Variants in ZFAND3 observed in about 807,000 individuals in gnomAD.
ZFAND3 encodes the protein AN1-type zinc finger protein 3.
A neutral mutation model predicts 29.6 loss-of-function variants in ZFAND3; 10 were observed. The ratio of observed to expected loss-of-function variants is 0.34; its 90% CI spans 0.21 to 0.57. The LOEUF (loss-of-function observed/expected upper bound fraction) is 0.57. ZFAND3 is among the 20% of genes least tolerant of loss of function. ZFAND3 has a pLI of 0.86. For synonymous variants in ZFAND3, 128 were observed against 112.6 expected (o/e 1.14, Z -0.87); for missense variants, 230 against 304.5 (o/e 0.76, Z 1.82).
In ZFAND3 at chr6:38,061,636, A is replaced by C; in HGVS notation, c.156A>C (p.Thr52=). ...CAGACGATGATTCCGCTCCAAGTAC[A>C]AGTAACAGCCAATCAGATTTGTTTT... ...KQPDDDSAPS[T]SNSQSDLFSE... is the part of the protein sequence containing the mutation. The change falls in exon 3 of 6, where the codon ACA becomes ACC. Residue 52 remains threonine, a synonymous_variant. Coordinates refer to ENST00000287218, the MANE Select transcript of ZFAND3 (RefSeq NM_021943.3). 2 of 1,614,212 alleles carry C rather than the reference A, an allele frequency of 1.2e-6. No homozygotes were observed. The highest frequency in any genetic ancestry group is 1.7e-6 in the Non-Finnish European group (2 of 1,180,018).
chr6:38,007,615 AC>A (rs1763073725), intron 2 of ZFAND3, among the ~76,000 whole-genome samples: 2 of 152,186 alleles, frequency 1.3e-5, no homozygotes, highest in South Asian at 2.1e-4. Flanking sequence ...GTTATAATTA[AC>A]TTGAAGAATA....
chr6:38,000,830 C>T (rs906469943), intron 2 of ZFAND3, among the ~76,000 whole-genome samples: 6 of 152,182 alleles, frequency 3.9e-5, no homozygotes, highest in African/African-American at 1.2e-4. Context: ...CTACTTTTTA[C>T]TCCTAGAGAC....
Position 38,144,182 on chromosome 6 carries a change from A to AT in ZFAND3, c.530-8052dup, listed in dbSNP as rs1581956543. On this transcript the variant is annotated intron_variant, in intron 5 of 5. Transcript: ENST00000287218. ...TGCTAGAAAAATGTGATATATATAT[A>AT]TAATATATATATATATATATATATA... is the stretch of plus-strand genomic sequence containing the variant. Among the ~76,000 whole-genome samples the AT allele has an allele frequency of 1.2e-3, 13 of 11,072 alleles. 1 individual carries two copies. Among genetic ancestry groups the AT allele is most frequent in the East Asian group, 2.2e-3 (3 of 1,338 alleles). The allele number at this position is 11,072 out of a possible 152,430, so 7.3% of individuals were successfully genotyped here. A position where few individuals can be genotyped will look rare whatever the true frequency, so the allele number is the denominator to read the frequency against.
chr6:38,004,367 TC>T (rs1372894325), intron 2 of ZFAND3, among the ~76,000 whole-genome samples: 4 of 152,292 alleles, frequency 2.6e-5, no homozygotes, highest in Middle Eastern at 6.8e-3. Context: ...CCGTCAGTGT[TC>T]CTCCTCTGCA....
intron 2 of ZFAND3, among the ~76,000 whole-genome samples, chr6:38,041,041 G>C (rs1415585806): frequency 6.6e-6 from 1 of 152,180 alleles, no homozygotes; most frequent in Non-Finnish European, 1.5e-5. Flanking sequence ...GTGTGTGACA[G>C]TCCCTTAGCC....
At chr6:37,870,304 A>C (rs1336486075) in intron 1 of ZFAND3, among the ~76,000 whole-genome samples, 3 of 149,576 alleles carry the variant, frequency 2.0e-5, no homozygotes, top group Non-Finnish European at 3.0e-5. Context: ...AAAAAAAAAA[A>C]AAAAAAAAAA....
intron 2 of ZFAND3, among the ~76,000 whole-genome samples, chr6:38,022,639 C>T (rs1253009247): frequency 6.6e-6 from 1 of 152,234 alleles, no homozygotes; most frequent in Admixed American, 6.5e-5. Flanking sequence ...TTTAATGTGA[C>T]TTGCTTAGGT....
chr6:38,061,511 A>ATTT (rs1189531092), intron 2 of ZFAND3, 82 bp from the exon 3 acceptor site: 28 of 1,531,006 alleles, frequency 1.8e-5, no homozygotes, highest in Non-Finnish European at 2.2e-5. Flanking sequence ...GTTGCATTTA[A>ATTT]TTTTTGTACC....
At chr6:37,951,814 G>C (rs187042701) in intron 2 of ZFAND3, among the ~76,000 whole-genome samples, 1 of 152,218 alleles carries the variant, frequency 6.6e-6, no homozygotes, top group East Asian at 1.9e-4. Context: ...TGTTTAGTAT[G>C]ATGTTTGCTG....
At chr6:38,001,868 A>C (rs1762954127) in intron 2 of ZFAND3, among the ~76,000 whole-genome samples, 1 of 152,166 alleles carries the variant, frequency 6.6e-6, no homozygotes, top group Non-Finnish European at 1.5e-5. Flanking sequence ...AAGAGAATTG[A>C]GTTATGGCTG....
intron 2 of ZFAND3, among the ~76,000 whole-genome samples, chr6:38,014,233 TAAA>T (rs992648836): frequency 6.6e-6 from 1 of 152,236 alleles, no homozygotes; most frequent in Non-Finnish European, 1.5e-5. Flanking sequence ...AAAGTTTTGT[TAAA>T]AAGAGAGAGA....
intron 2 of ZFAND3, among the ~76,000 whole-genome samples, chr6:38,059,986 G>C (rs2127462950): frequency 6.6e-6 from 1 of 152,306 alleles, no homozygotes; most frequent in South Asian, 2.1e-4. Flanking sequence ...TAGGAAATTT[G>C]TCAGTTTCTC....
Position 38,141,643 on chromosome 6 carries a change from CA to C in ZFAND3, c.530-10591del, listed in dbSNP as rs374262248. On this transcript the variant is annotated intron_variant, in intron 5 of 5. Coordinates refer to ENST00000287218, the MANE Select transcript of ZFAND3 (RefSeq NM_021943.3). Reference sequence around the variant, plus strand: ...AGAGGAAACTTGTACATCATATGTTCAGAGGAAGATTTCCACATTCGTTCTC... The same window carrying C: ...AGAGGAAACTTGTACATCATATGTTCGAGGAAGATTTCCACATTCGTTCTC... Among the ~76,000 whole-genome samples, 160 of 152,296 alleles carry C rather than the reference CA, an allele frequency of 1.1e-3. 6 individuals are homozygous for C. The South Asian group carries it at 0.032, about 31-fold the overall frequency.
intron 2 of ZFAND3, among the ~76,000 whole-genome samples, chr6:37,972,171 C>A (rs545081449): frequency 5.3e-5 from 8 of 151,998 alleles, no homozygotes; most frequent in Non-Finnish European, 1.0e-4. Context: ...TTGGTAGGAC[C>A]CAGCTGTTAT....
rs902841454 is a variant in ZFAND3, at chr6:38,152,978, G to A, written c.*589G>A. The A allele has an allele frequency of 4.6e-5, 45 of 985,688 alleles. No homozygotes were observed. In the African/African-American group the frequency reaches 5.9e-4, roughly 13 times the overall value. 61.1% of individuals were successfully genotyped at this position (985,688 alleles called of 1,614,324 possible). ...TGGGGGGTGGGGGACAGATTCTTAC[G>A]GAAATTTTTTTACCTGACTTGCTAT... On this transcript the variant is annotated 3_prime_UTR_variant, in exon 6 of 6. Coordinates refer to ENST00000287218, the MANE Select transcript of ZFAND3 (RefSeq NM_021943.3).
chr6:37,918,022 A>G (rs919927744), intron 1 of ZFAND3, among the ~76,000 whole-genome samples: 2 of 152,124 alleles, frequency 1.3e-5, no homozygotes, highest in Non-Finnish European at 2.9e-5. Flanking sequence ...TTTTTATCTT[A>G]CCTGAATGAC....
chr6:37,893,542 T>G (rs1242468293), intron 1 of ZFAND3, among the ~76,000 whole-genome samples: 1 of 139,294 alleles, frequency 7.2e-6, no homozygotes, highest in Non-Finnish European at 1.7e-5. Flanking sequence ...TTCAGGATCT[T>G]CTGTTTTTGT....
chr6:38,011,591 C>T (rs972270215), intron 2 of ZFAND3, among the ~76,000 whole-genome samples: 1 of 151,960 alleles, frequency 6.6e-6, no homozygotes, highest in Non-Finnish European at 1.5e-5. Flanking sequence ...TGGATTTGTA[C>T]TTTGTGGCAT....
At chr6:38,005,317 A>G (rs1425235466) in intron 2 of ZFAND3, among the ~76,000 whole-genome samples, 2 of 152,226 alleles carry the variant, frequency 1.3e-5, no homozygotes, top group African/African-American at 2.4e-5. Context: ...ATGGGTTTTA[A>G]TATCTTTACC....
Sources: allele counts gnomAD v4.1 joint callset (sites outside exome capture counted in the v4.1 genomes callset), GRCh38; gene constraint gnomAD v4.1.1; transcripts MANE v1.5; gene names NCBI Gene and HGNC (gene_info 2026-07-23, HGNC 2026-07-21).